Variants in ADCY10 observed in about 807,000 individuals in gnomAD.
ADCY10 encodes the protein adenylate cyclase 10, also known as adenylate cyclase type 10.
Under a neutral mutation model 183.3 loss-of-function variants are expected in ADCY10, and 156 were observed. The observed-to-expected ratio is 0.85, with a 90% CI of 0.75 to 0.97. The LOEUF (loss-of-function observed/expected upper bound fraction) is 0.97. Among genes scored for constraint, ADCY10 ranks in the 50% least tolerant of loss-of-function variants. ADCY10 has a pLI of 0.00. For synonymous variants in ADCY10, 645 were observed against 670.0 expected (o/e 0.96, Z 0.58); for missense variants, 1,745 against 1,934.3 (o/e 0.90, Z 1.84).
At chr1:167,831,626 T>G (rs1663743899) in intron 25 of ADCY10, among the ~76,000 whole-genome samples, 1 of 152,178 alleles carries the variant, frequency 6.6e-6, no homozygotes, top group Non-Finnish European at 1.5e-5. Context: ...AGCTCCTCAG[T>G]TTTTTCTTCT....
intron 16 of ADCY10, among the ~76,000 whole-genome samples, chr1:167,858,362 G>A (rs747615309): frequency 2.1e-4 from 32 of 151,920 alleles, no homozygotes; most frequent in Non-Finnish European, 3.4e-4. Flanking sequence ...GCTAGGTGTG[G>A]TGGTGCGTGC....
intron 6 of ADCY10, among the ~76,000 whole-genome samples, chr1:167,897,337 A>G (rs1571438722): frequency 1.3e-5 from 2 of 150,646 alleles, no homozygotes; most frequent in East Asian, 3.9e-4. Flanking sequence ...AAATACAAAA[A>G]AAAAAAAAAA....
intron 30 of ADCY10, 69 bp downstream of exon 30, chr1:167,821,955 T>C: frequency 9.1e-7 from 1 of 1,100,576 alleles, no homozygotes; most frequent in Non-Finnish European, 1.4e-6. Flanking sequence ...TAAAAGATTT[T>C]TCAAGAACTC....
chr1:167,878,406 T>G lies in ADCY10; in HGVS notation c.1406+40A>C, dbSNP rs1667628874. On this transcript the variant is annotated intron_variant, in intron 12 of 32. Coordinates refer to ENST00000367851, the MANE Select transcript of ADCY10 (RefSeq NM_018417.6). Reference sequence around the variant, plus strand: ...TTTGCTATCATAATTCTCCCGCTTCTTTACTAAAATATACTTCAAAATTAA... The same window carrying G: ...TTTGCTATCATAATTCTCCCGCTTCGTTACTAAAATATACTTCAAAATTAA... 1.9e-6 allele frequency: 3 copies of G among 1,600,740 alleles called. No individual in the cohort carries two copies. The South Asian group carries it at 3.3e-5, about 18-fold the overall frequency.
intron 14 of ADCY10, among the ~76,000 whole-genome samples, chr1:167,869,399 A>G (rs115381054): frequency 0.016 from 2,411 of 152,338 alleles, 25 homozygotes; most frequent in East Asian, 0.042. Context: ...TCCCACTAAT[A>G]AAAAGTGAGA....
At chr1:167,812,325 C>G (rs1662268983) in intron 31 of ADCY10, among the ~76,000 whole-genome samples, 1 of 152,316 alleles carries the variant, frequency 6.6e-6, no homozygotes, top group South Asian at 2.1e-4. Context: ...ACCACCTTGA[C>G]AGCCAGACAT....
intron 26 of ADCY10, among the ~76,000 whole-genome samples, chr1:167,826,866 G>A (rs935516769): frequency 6.6e-6 from 1 of 152,200 alleles, no homozygotes; most frequent in Non-Finnish European, 1.5e-5. Flanking sequence ...TGACAGATGG[G>A]ATTAAACTTC....
chr1:167,832,903 G>A (rs2101901392), intron 25 of ADCY10, 84 bp downstream of exon 25: 1 of 1,464,770 alleles, frequency 6.8e-7, no homozygotes, highest in East Asian at 2.3e-5. Flanking sequence ...TGGAGGCCAG[G>A]CTTTGGGGGC....
At position 167,824,830 on chromosome 1, in the gene ADCY10, G is replaced by A. The variant is rs1413593691; in HGVS notation, c.3776C>T (p.Ser1259Leu). Residue 1259 changes from serine to leucine, a missense_variant, in exon 27 of 33, where the codon TCG becomes TTG. Transcript: ENST00000367851. ...FQIIKAYLDY[S>L]LYHHLAGYKG... ...GTAGCCAGCCAGGTGGTGGTATAGC[G>A]AATAGTCTAGGTAAGCCTTAATGAT... is the stretch of plus-strand genomic sequence containing the variant. 9.9e-6 allele frequency: 16 copies of A among 1,614,216 alleles called. No individual in the cohort carries two copies. Among genetic ancestry groups the A allele is most frequent in the Non-Finnish European group, 1.2e-5 (14 of 1,180,040 alleles).
chr1:167,842,917 GCCCCTGACTGGAATTA>G (rs1359179180), intron 21 of ADCY10, among the ~76,000 whole-genome samples: 3 of 152,182 alleles, frequency 2.0e-5, no homozygotes, highest in Admixed American at 6.5e-5. Flanking sequence ...AAAAATGTTT[GCCCCTGACTGGAATTA>G]CTGAAGGTGT....
intron 9 of ADCY10, among the ~76,000 whole-genome samples, chr1:167,882,400 G>T (rs1464295767): frequency 6.7e-6 from 1 of 149,842 alleles, no homozygotes; most frequent in Non-Finnish European, 1.5e-5. Flanking sequence ...CAAGAGAATC[G>T]CTTGAACCCG....
rs148216539 is a variant in ADCY10 at position 167,854,425 on chromosome 1, G to A, written c.2236C>T (p.His746Tyr). 770 of 1,614,056 alleles carry A rather than the reference G, an allele frequency of 4.8e-4. 2 individuals are homozygous for A. The African/African-American group carries it at 9.4e-3, about 20-fold the overall frequency. ...YCEELLKNLE[H>Y]HEVLVFQQTE... is the part of the protein sequence containing the mutation. ...TGTTGGAAAACGAGTACCTCATGAT[G>A]TTCCAGGTTTTTAAGCAATTCTTCA... Residue 746 changes from histidine to tyrosine, a missense_variant, in exon 18 of 33, where the codon CAT becomes TAT. His to Tyr is a moderately conservative substitution (Grantham distance 83). Coordinates refer to ENST00000367851, the MANE Select transcript of ADCY10 (RefSeq NM_018417.6).
intron 1 of ADCY10, among the ~76,000 whole-genome samples, chr1:167,911,283 T>C (rs1331868086): frequency 6.6e-6 from 1 of 152,238 alleles, no homozygotes; most frequent in Non-Finnish European, 1.5e-5. Flanking sequence ...GTAACTTATC[T>C]TAAAAGCAAA....
intron 11 of ADCY10, among the ~76,000 whole-genome samples, chr1:167,879,663 T>C (rs1286706664): frequency 6.6e-6 from 1 of 152,152 alleles, no homozygotes; most frequent in Admixed American, 6.5e-5. Flanking sequence ...TTGCTGAAAA[T>C]CTTAAACCCT....
At chr1:167,883,768 G>A in intron 8 of ADCY10, 140 bp from the exon 9 acceptor site, 2 of 769,094 alleles carry the variant, frequency 2.6e-6, no homozygotes, top group Non-Finnish European at 4.6e-6. Context: ...GAGCCAGCAT[G>A]CCTGAAGTGG....
At chr1:167,814,862 A>C in intron 31 of ADCY10, among the ~76,000 whole-genome samples, 1 of 152,188 alleles carries the variant, frequency 6.6e-6, no homozygotes, top group East Asian at 1.9e-4. Context: ...ACGTGGGCTC[A>C]TGCCTGTAAT....
At position 167,831,459 on chromosome 1, in the gene ADCY10, G is replaced by A. The variant is rs868099742; in HGVS notation, c.3593+1528C>T. 3.3e-5 allele frequency among the ~76,000 whole-genome samples: 5 copies of A among 152,262 alleles called. No individual in the cohort carries two copies. In the South Asian group the frequency reaches 8.3e-4, roughly 25 times the overall value. ...TCCGCCCCCCTCAGCCTCCCTAAGC[G>A]TTGGTATTACAGGCGTGAGCCACAA... is the stretch of plus-strand genomic sequence containing the variant. On this transcript the variant is annotated intron_variant, in intron 25 of 32. Coordinates refer to ENST00000367851, the MANE Select transcript of ADCY10 (RefSeq NM_018417.6).
chr1:167,878,661 G>T (rs913653182), intron 11 of ADCY10, 26 bp from the exon 12 acceptor site: 1 of 1,607,658 alleles, frequency 6.2e-7, no homozygotes, highest in Admixed American at 1.7e-5. Context: ...GAAAGTCAAA[G>T]ATCAGGGAAA....
At chr1:167,904,090 T>C (rs1669650559) in intron 2 of ADCY10, 99 bp from the exon 3 acceptor site, 2 of 689,840 alleles carry the variant, frequency 2.9e-6, no homozygotes, top group Non-Finnish European at 2.4e-6. Context: ...AGCTTTTTTT[T>C]TTTTTTTTTT....
Sources: gnomAD v4.1 joint callset for allele counts (sites outside exome capture counted in the v4.1 genomes callset) on GRCh38, gnomAD v4.1.1 for gene constraint, MANE v1.5 for transcripts, NCBI Gene and HGNC (gene_info 2026-07-23, HGNC 2026-07-21) for gene names.